NUP35: variants seen among roughly 807,000 people sequenced by gnomAD.
NUP35 encodes the protein nucleoporin 35.
In NUP35, 25 loss-of-function variants were observed where a neutral mutation model predicts 41.5. The ratio of observed to expected loss-of-function variants is 0.60; its 90% confidence interval spans 0.44 to 0.84. The LOEUF is 0.84. NUP35 is among the 40% of genes least tolerant of loss of function. The probability of loss-of-function intolerance (pLI) is 0.00; values close to 1 mark genes in which losing one functional copy is unlikely to be tolerated. For missense variants in NUP35, 396 were observed against 396.6 expected (o/e 1.00, Z 0.01); for synonymous variants, 149 against 130.7 (o/e 1.14, Z -0.96).
intron 7 of NUP35, 102 bp from the exon 8 acceptor site, chr2:183,159,386 T>C: frequency 1.1e-6 from 1 of 898,028 alleles, no homozygotes; most frequent in East Asian, 2.8e-5. Flanking sequence ...GCAAATAAAG[T>C]ATTTCATCTT....
At position 183,126,097 on chromosome 2, in the gene NUP35, T is replaced by C. The variant is rs538073395; in HGVS notation, c.40+1600T>C. ...TGTCACCTGGGCTGGAGTGCAGTCGTGCAGTCTCAGCTCACTGCAACCTCC... is the reference window on the plus strand; with the variant it reads ...TGTCACCTGGGCTGGAGTGCAGTCGCGCAGTCTCAGCTCACTGCAACCTCC... On this transcript the variant is annotated intron_variant, in intron 1 of 8. Transcript: ENST00000295119. 2.6e-4 allele frequency among the ~76,000 whole-genome samples: 40 copies of C among 152,202 alleles called. No homozygotes were observed. In the East Asian group the frequency reaches 7.3e-3, roughly 28 times the overall value.
upstream of NUP35, among the ~76,000 whole-genome samples, chr2:183,120,377 C>A (rs1477094341): frequency 6.8e-6 from 1 of 146,542 alleles, no homozygotes; most frequent in Non-Finnish European, 1.5e-5. Context: ...ACACGGGAGG[C>A]AGATGTTGCA....
intron 2 of NUP35, among the ~76,000 whole-genome samples, chr2:183,128,834 G>A (rs1490503811): frequency 6.6e-6 from 1 of 152,012 alleles, no homozygotes; most frequent in Non-Finnish European, 1.5e-5. Context: ...TAAGGCTCTT[G>A]GAATAGAGGT....
At chr2:183,147,568 T>C (rs1033959166) in intron 4 of NUP35, among the ~76,000 whole-genome samples, 1 of 152,228 alleles carries the variant, frequency 6.6e-6, no homozygotes, top group Non-Finnish European at 1.5e-5. Context: ...ACCAGTACCA[T>C]ACTGTTTTGG....
chr2:183,133,496 T>A, intron 3 of NUP35, 70 bp from the exon 4 acceptor site: 1 of 1,237,710 alleles, frequency 8.1e-7, no homozygotes, highest in Non-Finnish European at 1.2e-6. Context: ...ATCCATTGAA[T>A]GAAGCCTTTT....
At chr2:183,149,553 CTG>C (rs1454639046) in intron 4 of NUP35, among the ~76,000 whole-genome samples, 1 of 152,206 alleles carries the variant, frequency 6.6e-6, no homozygotes, top group Non-Finnish European at 1.5e-5. Flanking sequence ...GAAAACTCCA[CTG>C]TACACTAATA....
intron 8 of NUP35, chr2:183,159,987 G>T (rs958883179): frequency 3.8e-4 from 71 of 185,592 alleles, no homozygotes; most frequent in Non-Finnish European, 3.2e-4. Context: ...TTAAATTGAT[G>T]ACTAAATTGA....
chr2:183,146,064 C>T (rs1163081567), intron 4 of NUP35, among the ~76,000 whole-genome samples: 8 of 152,032 alleles, frequency 5.3e-5, no homozygotes, highest in Admixed American at 2.6e-4. Context: ...GGTGAAACCT[C>T]GTCTCTATTA....
Position 183,158,381 on chromosome 2 carries a change from C to T in NUP35, c.708C>T (p.Ile236=). 1.9e-6 allele frequency: 3 copies of T among 1,608,086 alleles called. No homozygotes were observed. The highest frequency in any genetic ancestry group is 2.6e-6 in the Non-Finnish European group (3 of 1,176,202). Residue 236 remains isoleucine (I), a synonymous_variant, in exon 7 of 9, where the codon ATC becomes ATT. Coordinates refer to ENST00000295119, the MANE Select transcript of NUP35 (RefSeq NM_138285.5). ...ATGGGAGGATTTTTGGAGAATCCAT[C>T]ATGATTGGTGTAAAACCATGTATTG... ...SKDGRIFGES[I]MIGVKPCIDK...
At chr2:183,130,320 CA>C in intron 2 of NUP35, 97 bp from the exon 3 acceptor site, 1 of 1,269,272 alleles carries the variant, frequency 7.9e-7, no homozygotes, top group Non-Finnish European at 1.1e-6. Flanking sequence ...AAAGAACTAA[CA>C]GACAAGATTT....
At chr2:183,135,090 G>A (rs182444717) in intron 4 of NUP35, among the ~76,000 whole-genome samples, 292 of 151,752 alleles carry the variant, frequency 1.9e-3, no homozygotes, top group Admixed American at 3.6e-3. Flanking sequence ...GAATACATTG[G>A]GCCCTTCTAG....
intron 8 of NUP35, 61 bp downstream of exon 8, chr2:183,159,713 A>C: frequency 7.6e-7 from 1 of 1,313,924 alleles, no homozygotes; most frequent in Non-Finnish European, 1.1e-6. Flanking sequence ...AGCATGCTTA[A>C]CTTTTTCATT....
At chr2:183,146,683 A>C (rs975336054) in intron 4 of NUP35, among the ~76,000 whole-genome samples, 3 of 150,022 alleles carry the variant, frequency 2.0e-5, no homozygotes, top group Non-Finnish European at 4.4e-5. Context: ...TGCAACCTCT[A>C]CTCCCCGGGT....
intron 4 of NUP35, among the ~76,000 whole-genome samples, chr2:183,143,240 T>C (rs1214528799): frequency 6.6e-6 from 1 of 151,866 alleles, no homozygotes; most frequent in Non-Finnish European, 1.5e-5. Context: ...AGCAGTCTTT[T>C]TTATTCTTGC....
At chr2:183,143,094 T>TG (rs981454872) in intron 4 of NUP35, among the ~76,000 whole-genome samples, 2 of 149,266 alleles carry the variant, frequency 1.3e-5, no homozygotes, top group Admixed American at 1.3e-4. Flanking sequence ...AGGCGGAGCT[T>TG]GCAGTGAGCT....
intron 3 of NUP35, chr2:183,131,499 G>A (rs1684694651): frequency 1.3e-5 from 2 of 152,196 alleles, no homozygotes; most frequent in Non-Finnish European, 2.9e-5. Flanking sequence ...GGCTTGATAT[G>A]TCTGGCATAC....
At chr2:183,128,929 T>G (rs940760565) in intron 2 of NUP35, among the ~76,000 whole-genome samples, 10 of 152,366 alleles carry the variant, frequency 6.6e-5, no homozygotes, top group African/African-American at 2.4e-4. Flanking sequence ...AATTGGCTTT[T>G]AAGTACCACT....
chr2:183,154,079 C>T (rs755590184), intron 5 of NUP35, among the ~76,000 whole-genome samples: 2 of 152,170 alleles, frequency 1.3e-5, no homozygotes, highest in Non-Finnish European at 2.9e-5. Flanking sequence ...CCCTTTCAGC[C>T]ACGGCTGCAG....
At chr2:183,121,895 A>G (rs915991112), upstream of NUP35, among the ~76,000 whole-genome samples, 1 of 88,756 alleles carries the variant, frequency 1.1e-5, no homozygotes, top group Admixed American at 1.4e-4. Context: ...ATTGTATAAA[A>G]TAAGTTAAAG....
Sources: allele counts gnomAD v4.1 joint callset (sites outside exome capture counted in the v4.1 genomes callset), GRCh38; gene constraint gnomAD v4.1.1; transcripts MANE v1.5; gene names NCBI Gene and HGNC (gene_info 2026-07-23, HGNC 2026-07-21).